Variants in PACSIN3 observed in about 807,000 individuals in gnomAD.
PACSIN3 encodes protein kinase C and casein kinase substrate in neurons 3, also known as protein kinase C and casein kinase substrate in neurons protein 3.
Under a neutral mutation model 56.1 loss-of-function variants are expected in PACSIN3, and 34 were observed. The observed-to-expected ratio is 0.61, with a 90% CI of 0.46 to 0.81. The LOEUF is 0.81. Among genes scored for constraint, PACSIN3 ranks in the 30% least tolerant of loss-of-function variants. The pLI is 0.00. For missense variants in PACSIN3, 535 were observed against 592.4 expected, an observed-to-expected ratio of 0.90 and a Z score of 1.01; for synonymous variants, 218 against 229.8, an observed-to-expected ratio of 0.95 and a Z score of 0.46.
chr11:47,182,269 G>T, intron 4 of PACSIN3, 134 bp downstream of exon 4: 1 of 810,586 alleles, frequency 1.2e-6, no homozygotes, highest in South Asian at 2.0e-5. Context: ...CCATGAGGAT[G>T]ACCAGGAGGA....
Position 47,179,305 on chromosome 11 carries a change from T to G in PACSIN3, c.780-26A>C, listed in dbSNP as rs1952967234. Reference sequence around the variant, plus strand: ...CTATGACCCAAGGCACACCCCTCAGTCTAGGAAGTCTAGACCCTGCATCCC... The same window carrying G: ...CTATGACCCAAGGCACACCCCTCAGGCTAGGAAGTCTAGACCCTGCATCCC... On this transcript the variant is annotated intron_variant, in intron 7 of 10. Coordinates refer to ENST00000298838, the MANE Select transcript of PACSIN3 (RefSeq NM_016223.5). The surrounding 1 kb of genome is among the most constrained non-coding windows in gnomAD (Gnocchi z 4.4). The G allele has an allele frequency of 6.2e-7, 1 of 1,613,888 alleles. No individual in the cohort carries two copies. Among genetic ancestry groups the G allele is most frequent in the African/African-American group, 1.3e-5 (1 of 75,006 alleles).
At chr11:47,182,322 T>C in intron 4 of PACSIN3, 81 bp downstream of exon 4, 2 of 1,428,952 alleles carry the variant, frequency 1.4e-6, no homozygotes, top group Admixed American at 2.1e-5. Flanking sequence ...GCCTCAAACT[T>C]CCCACGAGAC....
Position 47,178,542 on chromosome 11 carries a change from G to T in PACSIN3, c.1038-55C>A, listed in dbSNP as rs1952940768. 5 of 1,590,022 alleles carry T rather than the reference G, an allele frequency of 3.1e-6. No homozygotes were observed. In the East Asian group the frequency reaches 1.1e-4, roughly 36 times the overall value. The stretch of plus-strand genomic sequence containing the variant: ...AGAGTGCAAGGAACACGGGGCTGGA[G>T]ATCTCACCCAGGATCAGGGCAAAGG... On this transcript the variant is annotated intron_variant, in intron 9 of 10. Coordinates refer to ENST00000298838, the MANE Select transcript of PACSIN3 (RefSeq NM_016223.5). This position sits in a 1 kb window ranked among gnomAD's most constrained non-coding sequence, Gnocchi z 4.2.
Position 47,177,990 on chromosome 11 carries a change from A to T in PACSIN3, c.1216T>A (p.Leu406Met). 1 of 1,614,150 alleles carries T rather than the reference A, an allele frequency of 6.2e-7. No homozygotes were observed. The highest frequency in any genetic ancestry group is 1.6e-4 in the Middle Eastern group (1 of 6,062). ...EDEQGWCQGQ[L>M]QSGRIGLYPA... Reference sequence around the variant, plus strand: ...TACAGGCCAATGCGGCCACTCTGCAACTGGCCTTGGCACCAGCCCTGCTCG... The same window carrying T: ...TACAGGCCAATGCGGCCACTCTGCATCTGGCCTTGGCACCAGCCCTGCTCG... The change falls in exon 11 of 11, where the codon TTG becomes ATG. Residue 406 changes from leucine (L) to methionine (M), a missense_variant. By Grantham distance (15) the Leu-to-Met change is conservative (BLOSUM62 2). Coordinates refer to ENST00000298838, the MANE Select transcript of PACSIN3 (RefSeq NM_016223.5).
rs543891568 is a variant in PACSIN3, at chr11:47,179,162, G to C, written c.897C>G (p.Phe299Leu). 7.4e-6 allele frequency: 12 copies of C among 1,613,640 alleles called. No individual in the cohort carries two copies. The South Asian group carries it at 9.9e-5, about 13-fold the overall frequency. ...GPGMAMNWPQ[F>L]EEWSLDTQRT... Reference sequence around the variant, plus strand: ...CCACCCCGCCTGGAACACATGCCTCGAACTGTGGCCAGTTCATGGCCATGC... The same window carrying C: ...CCACCCCGCCTGGAACACATGCCTCCAACTGTGGCCAGTTCATGGCCATGC... Residue 299 changes from phenylalanine (F) to leucine (L), a missense_variant, in exon 8 of 11, where the codon TTC becomes TTG. Coordinates refer to ENST00000298838, the MANE Select transcript of PACSIN3 (RefSeq NM_016223.5). The surrounding 1 kb of genome is among the most constrained non-coding windows in gnomAD (Gnocchi z 4.4).
chr11:47,179,685 G>GT lies in PACSIN3; in HGVS notation c.604-100_604-99insA. ...ACTGCCATAGGCTGCTAGACCCAGG[G>GT]CTAGCCACTAGGGGCAATCAGTCCC... On this transcript the variant is annotated intron_variant, in intron 6 of 10. Transcript: ENST00000298838. The surrounding 1 kb of genome is among the most constrained non-coding windows in gnomAD (Gnocchi z 4.4). 19 of 1,193,872 alleles carry GT rather than the reference G, an allele frequency of 1.6e-5. No individual in the cohort carries two copies. Among genetic ancestry groups the GT allele is most frequent in the Non-Finnish European group, 2.1e-5 (18 of 858,080 alleles). The allele number at this position is 1,193,872 out of a possible 1,614,324, so 74.0% of individuals were successfully genotyped here.
rs199999369 is a variant in PACSIN3 at position 47,180,314 on chromosome 11, C to T, written c.475G>A (p.Ala159Thr). The T allele has an allele frequency of 3.1e-5, 50 of 1,602,316 alleles. No individual in the cohort carries two copies. Among genetic ancestry groups the T allele is most frequent in the Middle Eastern group, 1.6e-4 (1 of 6,084 alleles). The change falls in exon 6 of 11, where the codon GCA (alanine) becomes ACA (threonine). Residue 159 changes from alanine to threonine, a missense_variant. By Grantham distance (58) the Ala-to-Thr change is moderately conservative. Coordinates refer to ENST00000298838, the MANE Select transcript of PACSIN3 (RefSeq NM_016223.5). ...GCGGTCTTCTCATCCTTCCGGGCTGCGTGGTAGCTTTTCTTGGAAGCCTCA... is the reference window on the plus strand; with the variant it reads ...GCGGTCTTCTCATCCTTCCGGGCTGTGTGGTAGCTTTTCTTGGAAGCCTCA... ...EVEASKKSYH[A>T]ARKDEKTAQT...
chr11:47,179,353 G>A lies in PACSIN3; in HGVS notation c.779+58C>T. 1.2e-6 allele frequency: 2 copies of A among 1,613,136 alleles called. No homozygotes were observed. The highest frequency in any genetic ancestry group is 8.5e-7 in the Non-Finnish European group (1 of 1,179,380). ...CCCTCAGTCCCAGCCAGGGCCTCGGGGAGATGGAGGAGACCCAGTACTACC... is the reference window on the plus strand; with the variant it reads ...CCCTCAGTCCCAGCCAGGGCCTCGGAGAGATGGAGGAGACCCAGTACTACC... On this transcript the variant is annotated intron_variant, in intron 7 of 10. Coordinates refer to ENST00000298838, the MANE Select transcript of PACSIN3 (RefSeq NM_016223.5). The surrounding 1 kb of genome is among the most constrained non-coding windows in gnomAD (Gnocchi z 4.4).
At chr11:47,180,749 C>G in intron 4 of PACSIN3, 59 bp from the exon 5 acceptor site, 1 of 1,400,334 alleles carries the variant, frequency 7.1e-7, no homozygotes, top group Non-Finnish European at 9.7e-7. Context: ...GAGCCTAGCC[C>G]CTCTCACTGG....
chr11:47,180,660 C>A lies in PACSIN3; in HGVS notation c.242G>T (p.Trp81Leu). Reference protein sequence around the residue: ...GPQYGTLEKAWHAFFTAAERL... With the variant: ...GPQYGTLEKALHAFFTAAERL... ...CTCAGCCGCCGTGAAAAAGGCATGC[C>A]AGGCCTTCTCCAGTGTGCCATACTG... The change falls in exon 5 of 11, where the codon TGG (tryptophan) becomes TTG (leucine). Residue 81 changes from tryptophan to leucine, a missense_variant. Transcript: ENST00000298838. 6.2e-7 allele frequency: 1 copy of A among 1,602,324 alleles called. No individual in the cohort carries two copies. Among genetic ancestry groups the A allele is most frequent in the Non-Finnish European group, 8.5e-7 (1 of 1,179,572 alleles).
At position 47,178,260 on chromosome 11, in the gene PACSIN3, G is replaced by A. The variant is rs774443457; in HGVS notation, c.1159+106C>T. On this transcript the variant is annotated intron_variant, in intron 10 of 10. Coordinates refer to ENST00000298838, the MANE Select transcript of PACSIN3 (RefSeq NM_016223.5). The surrounding 1 kb of genome is among the most constrained non-coding windows in gnomAD (Gnocchi z 4.2). ...TATCTGGACCTGGAACAGCTGAAGGGACAGAGGACTGGCCCTTAAGAAGTG... is the reference window on the plus strand; with the variant it reads ...TATCTGGACCTGGAACAGCTGAAGGAACAGAGGACTGGCCCTTAAGAAGTG... The A allele has an allele frequency of 6.2e-6, 9 of 1,457,998 alleles. No homozygotes were observed. Among genetic ancestry groups the A allele is most frequent in the Admixed American group, 1.9e-5 (1 of 53,922 alleles). The allele number at this position is 1,457,998 out of a possible 1,614,324, so 90.3% of individuals were successfully genotyped here.
rs769066795 is a variant in PACSIN3, at chr11:47,180,440, C to G, written c.447+15G>C. The stretch of plus-strand genomic sequence containing the variant: ...GAAGGAGCCTGTCTCGGATACCTCC[C>G]CCACCCAGCCTCACCTCCTTCAGCC... On this transcript the variant is annotated intron_variant, in intron 5 of 10. Transcript: ENST00000298838. The G allele has an allele frequency of 8.8e-6, 14 of 1,592,374 alleles. No individual in the cohort carries two copies. In the Admixed American group the frequency reaches 2.2e-4, roughly 25 times the overall value.
chr11:47,179,302 C>T lies in PACSIN3; in HGVS notation c.780-23G>A, dbSNP rs368292408. The T allele has an allele frequency of 1.2e-6, 2 of 1,614,058 alleles. No individual in the cohort carries two copies. Among genetic ancestry groups the T allele is most frequent in the African/African-American group, 2.7e-5 (2 of 75,062 alleles). On this transcript the variant is annotated intron_variant, in intron 7 of 10. Coordinates refer to ENST00000298838, the MANE Select transcript of PACSIN3 (RefSeq NM_016223.5). The surrounding 1 kb of genome is among the most constrained non-coding windows in gnomAD (Gnocchi z 4.4). Reference sequence around the variant, plus strand: ...AACCTATGACCCAAGGCACACCCCTCAGTCTAGGAAGTCTAGACCCTGCAT... The same window carrying T: ...AACCTATGACCCAAGGCACACCCCTTAGTCTAGGAAGTCTAGACCCTGCAT...
In PACSIN3 at chr11:47,177,838, GCGA is replaced by G; in HGVS notation, c.*90_*92del. On this transcript the variant is annotated 3_prime_UTR_variant, in exon 11 of 11. Coordinates refer to ENST00000298838, the MANE Select transcript of PACSIN3 (RefSeq NM_016223.5). ...CAAGGGACAGAGGAGCAGCCAGAGA[GCGA>G]CGGTTCAGGGCCCTGAGGGTCCGGC... 5.2e-6 allele frequency: 5 copies of G among 952,588 alleles called. No individual in the cohort carries two copies. Among genetic ancestry groups the G allele is most frequent in the Non-Finnish European group, 6.7e-6 (4 of 592,980 alleles). The allele number at this position is 952,588 out of a possible 1,614,324, so 59.0% of individuals were successfully genotyped here.
Position 47,182,560 on chromosome 11 carries a change from C to G in PACSIN3, c.55-1G>C. 1.2e-6 allele frequency: 2 copies of G among 1,609,584 alleles called. No homozygotes were observed. Among genetic ancestry groups the G allele is most frequent in the South Asian group, 1.1e-5 (1 of 90,910 alleles). On this transcript the variant is annotated splice_acceptor_variant, in intron 3 of 10. Transcript: ENST00000298838. LOFTEE classifies it high-confidence loss of function. Reference sequence around the variant, plus strand: ...GTACCGTGCGCCTGTAGTTGCCAGCCTGGGCATACAGGAAAAGGGTGCCAT... The same window carrying G: ...GTACCGTGCGCCTGTAGTTGCCAGCGTGGGCATACAGGAAAAGGGTGCCAT...
Position 47,179,598 on chromosome 11 carries a change from A to G in PACSIN3, c.604-12T>C. ...TACTGAGCTTTTGTCTGGGTGGGAG[A>G]GGAGGGGCCTGGTGAGAACCAGACC... is the stretch of plus-strand genomic sequence containing the variant. On this transcript the variant is annotated splice_polypyrimidine_tract_variant and intron_variant, in intron 6 of 10. Coordinates refer to ENST00000298838, the MANE Select transcript of PACSIN3 (RefSeq NM_016223.5). The surrounding 1 kb of genome is among the most constrained non-coding windows in gnomAD (Gnocchi z 4.4). 1 of 1,611,012 alleles carries G rather than the reference A, an allele frequency of 6.2e-7. No homozygotes were observed. The highest frequency in any genetic ancestry group is 8.5e-7 in the Non-Finnish European group (1 of 1,179,626).
intron 1 of PACSIN3, chr11:47,183,338 C>G (rs1953064649): frequency 6.6e-6 from 1 of 152,352 alleles, no homozygotes; most frequent in African/African-American, 2.4e-5. Flanking sequence ...ACCCTGTTAC[C>G]CGAGAGGCCA....
intron 1 of PACSIN3, chr11:47,185,360 C>A (rs1239650344): frequency 6.6e-6 from 1 of 152,446 alleles, no homozygotes; most frequent in Non-Finnish European, 1.5e-5. Context: ...TTCTGCCTGG[C>A]CCATCCCTGG....
Position 47,178,117 on chromosome 11 carries a change from C to A in PACSIN3, c.1160-71G>T. The A allele has an allele frequency of 7.2e-7, 1 of 1,379,544 alleles. No individual in the cohort carries two copies. Among genetic ancestry groups the A allele is most frequent in the Non-Finnish European group, 1.0e-6 (1 of 984,352 alleles). The allele number at this position is 1,379,544 out of a possible 1,614,324, so 85.5% of individuals were successfully genotyped here. Reference sequence around the variant, plus strand: ...CCTGTTCCTGCAACTGGGTCAAGGACTGAGGGGGATGGTGTGGTCCCAGAG... The same window carrying A: ...CCTGTTCCTGCAACTGGGTCAAGGAATGAGGGGGATGGTGTGGTCCCAGAG... On this transcript the variant is annotated intron_variant, in intron 10 of 10. Coordinates refer to ENST00000298838, the MANE Select transcript of PACSIN3 (RefSeq NM_016223.5). This position sits in a 1 kb window ranked among gnomAD's most constrained non-coding sequence, Gnocchi z 4.2.
Sources: allele counts gnomAD v4.1 joint callset, GRCh38; gene constraint gnomAD v4.1.1; non-coding constraint Gnocchi (gnomAD v3.1); transcripts MANE v1.5; gene names NCBI Gene and HGNC (gene_info 2026-07-23, HGNC 2026-07-21).